Variants in LDB2 observed in about 807,000 individuals in gnomAD.
The protein encoded by LDB2 is LIM domain binding 2, also known as LIM domain-binding protein 2.
In LDB2, 12 loss-of-function variants were observed where a neutral mutation model predicts 44.3. The ratio of observed to expected loss-of-function variants is 0.27; its 90% CI spans 0.17 to 0.44. The LOEUF is 0.44. Among genes scored for constraint, LDB2 ranks in the 20% least tolerant of loss-of-function variants. The probability of loss-of-function intolerance (pLI) is 1.00; values close to 1 mark genes in which losing one functional copy is unlikely to be tolerated. For synonymous variants in LDB2, 164 were observed against 174.8 expected (o/e 0.94, Z 0.49); for missense variants, 344 against 473.5 (o/e 0.73, Z 2.54).
chr4:16,586,022 C>T lies in LDB2; in HGVS notation c.532-17G>A. 6.3e-7 allele frequency: 1 copy of T among 1,594,626 alleles called. No individual in the cohort carries two copies. The highest frequency in any genetic ancestry group is 8.6e-7 in the Non-Finnish European group (1 of 1,162,612). On this transcript the variant is annotated splice_polypyrimidine_tract_variant and intron_variant, in intron 4 of 7. Coordinates refer to ENST00000304523, the MANE Select transcript of LDB2 (RefSeq NM_001290.5). ...ATCTTGTGCCTAAATGGAAAAAAAA[C>T]CCCACATGTATTTTATCACTACAGG...
At chr4:16,876,385 T>C (rs988602037) in intron 1 of LDB2, among the ~76,000 whole-genome samples, 26 of 152,314 alleles carry the variant, frequency 1.7e-4, no homozygotes, top group African/African-American at 5.8e-4. Context: ...TTGGTAGATA[T>C]AAAAGAGTTA....
chr4:16,566,476 GTAAC>G (rs147754417), intron 5 of LDB2, among the ~76,000 whole-genome samples: 3,782 of 152,182 alleles, frequency 0.025, 154 homozygotes, highest in African/African-American at 0.085. Context: ...GGGCAACTGA[GTAAC>G]TAAACAGTTT....
In LDB2 at chr4:16,520,142, C is replaced by T. The variant is rs1269903130; in HGVS notation, c.616-8038G>A. On this transcript the variant is annotated intron_variant, in intron 5 of 7. Transcript: ENST00000304523. Reference sequence around the variant, plus strand: ...TTTTTTCACCCTCCCCTCCCCGCCGCCCCACCGCCAGTAATTTACTCCTCT... The same window carrying T: ...TTTTTTCACCCTCCCCTCCCCGCCGTCCCACCGCCAGTAATTTACTCCTCT... 2.6e-5 allele frequency among the ~76,000 whole-genome samples: 4 copies of T among 152,168 alleles called. No individual in the cohort carries two copies. In the East Asian group the frequency reaches 5.8e-4, roughly 22 times the overall value.
intron 1 of LDB2, among the ~76,000 whole-genome samples, chr4:16,825,813 C>T (rs1030326513): frequency 6.6e-6 from 1 of 152,112 alleles, no homozygotes; most frequent in Non-Finnish European, 1.5e-5. Flanking sequence ...AGATACAATA[C>T]ACAGGCAAAT....
intron 1 of LDB2, among the ~76,000 whole-genome samples, chr4:16,763,714 C>G (rs185390858): frequency 6.6e-6 from 1 of 152,262 alleles, no homozygotes; most frequent in Admixed American, 6.5e-5. Context: ...ATTTTATATT[C>G]ACAACTACCC....
chr4:16,703,867 T>C (rs1467518642), intron 2 of LDB2, among the ~76,000 whole-genome samples: 1 of 152,260 alleles, frequency 6.6e-6, no homozygotes, highest in African/African-American at 2.4e-5. Context: ...ATTCCAAATT[T>C]AGTAAGTTTA....
chr4:16,700,129 C>T (rs1037057029), intron 2 of LDB2, among the ~76,000 whole-genome samples: 3 of 152,146 alleles, frequency 2.0e-5, no homozygotes, highest in Non-Finnish European at 2.9e-5. Context: ...TTTCCTTCGA[C>T]CCTCACATCA....
At chr4:16,877,197 A>G (rs1157955977) in intron 1 of LDB2, among the ~76,000 whole-genome samples, 1 of 152,222 alleles carries the variant, frequency 6.6e-6, no homozygotes, top group Non-Finnish European at 1.5e-5. Flanking sequence ...AATCCAGGGC[A>G]ATACTCTGAC....
chr4:16,535,613 T>A (rs1228983140), intron 5 of LDB2, among the ~76,000 whole-genome samples: 1 of 152,178 alleles, frequency 6.6e-6, no homozygotes, highest in Non-Finnish European at 1.5e-5. Flanking sequence ...GAGGGCTGTG[T>A]TGGCAAAGCC....
At chr4:16,840,561 C>G (rs368446187) in intron 1 of LDB2, among the ~76,000 whole-genome samples, 7 of 152,266 alleles carry the variant, frequency 4.6e-5, no homozygotes, top group African/African-American at 1.7e-4. Context: ...GTACAGAAGT[C>G]GTTTGGGATC....
chr4:16,723,231 T>C (rs1215672683), intron 2 of LDB2, among the ~76,000 whole-genome samples: 2 of 152,148 alleles, frequency 1.3e-5, no homozygotes, highest in African/African-American at 4.8e-5. Flanking sequence ...ATCCACAGAC[T>C]GGGTAATTAA....
chr4:16,747,031 A>C (rs1008614114), intron 2 of LDB2, among the ~76,000 whole-genome samples: 4 of 152,218 alleles, frequency 2.6e-5, no homozygotes, highest in Non-Finnish European at 5.9e-5. Context: ...CTAATGAGAA[A>C]TAGAAAACTT....
chr4:16,886,271 G>A (rs79199842), intron 1 of LDB2, among the ~76,000 whole-genome samples: 7,137 of 152,066 alleles, frequency 0.047, 264 homozygotes, highest in Admixed American at 0.084. Flanking sequence ...TGGTACAATG[G>A]AGCCAAATAA....
intron 2 of LDB2, among the ~76,000 whole-genome samples, chr4:16,606,034 C>G (rs1025339502): frequency 9.9e-5 from 15 of 152,184 alleles, no homozygotes; most frequent in Admixed American, 6.5e-5. Flanking sequence ...CCACCCTATA[C>G]CCACCAATCT....
chr4:16,661,069 T>C (rs1316601217), intron 2 of LDB2, among the ~76,000 whole-genome samples: 1 of 152,134 alleles, frequency 6.6e-6, no homozygotes, highest in Admixed American at 6.5e-5. Flanking sequence ...CCAATCGTTT[T>C]TCTAATACCA....
chr4:16,714,256 T>C (rs1305901696), intron 2 of LDB2, among the ~76,000 whole-genome samples: 1 of 152,236 alleles, frequency 6.6e-6, no homozygotes, highest in Admixed American at 6.5e-5. Flanking sequence ...GTGTTTGCTG[T>C]GCTTCTTCAG....
intron 5 of LDB2, chr4:16,581,302 G>C: frequency 1.9e-6 from 1 of 532,012 alleles, no homozygotes; most frequent in Non-Finnish European, 2.4e-6. Flanking sequence ...GCTCAGAGAG[G>C]TCAAGCAACT....
At chr4:16,503,535 T>C (rs1718128270) in intron 7 of LDB2, among the ~76,000 whole-genome samples, 1 of 152,186 alleles carries the variant, frequency 6.6e-6, no homozygotes, top group Non-Finnish European at 1.5e-5. Context: ...GATTTGACAA[T>C]TTGCATAGCT....
chr4:16,630,300 A>C (rs1489321432), intron 2 of LDB2, among the ~76,000 whole-genome samples: 3 of 152,346 alleles, frequency 2.0e-5, no homozygotes, highest in Admixed American at 1.3e-4. Flanking sequence ...CTCAAAGAAA[A>C]GAATTTTCAA....
Sources: allele counts gnomAD v4.1 joint callset (sites outside exome capture counted in the v4.1 genomes callset), GRCh38; gene constraint gnomAD v4.1.1; transcripts MANE v1.5; gene names NCBI Gene and HGNC (gene_info 2026-07-23, HGNC 2026-07-21).